The following PTK2B variants were observed in gnomAD, a reference collection of about 807,000 sequenced individuals.
PTK2B encodes protein-tyrosine kinase 2-beta.
In PTK2B, 71 loss-of-function variants were observed where a neutral mutation model predicts 142.9. That is an observed-to-expected ratio of 0.50 (90% CI 0.41 to 0.61). The LOEUF is 0.61. PTK2B is among the 20% of genes least tolerant of loss of function. PTK2B has a pLI of 0.00. For synonymous variants in PTK2B, 519 were observed against 503.4 expected (o/e 1.03, Z -0.42); for missense variants, 1,105 against 1,320.4 (o/e 0.84, Z 2.53).
chr8:27,356,654 GA>G (rs1805407961), intron 1 of PTK2B, among the ~76,000 whole-genome samples: 1 of 152,208 alleles, frequency 6.6e-6, no homozygotes, highest in Non-Finnish European at 1.5e-5. Flanking sequence ...GTCAATAGCG[GA>G]AAAACGTAAA....
Position 27,384,077 on chromosome 8 carries a change from C to T in PTK2B, c.-37-13471C>T, listed in dbSNP as rs191179233. ...GTTGGTCAGGCTGATCTCGAACTCC[C>T]GACCTCAGGTGATCCTCCTGCCTCG... On this transcript the variant is annotated intron_variant, in intron 1 of 30. Coordinates refer to ENST00000346049, the MANE Select transcript of PTK2B (RefSeq NM_173176.3). Among the ~76,000 whole-genome samples, 38 of 151,876 alleles carry T rather than the reference C, an allele frequency of 2.5e-4. 1 individual carries two copies. The East Asian group carries it at 5.8e-3, about 23-fold the overall frequency.
intron 1 of PTK2B, among the ~76,000 whole-genome samples, chr8:27,344,615 G>A (rs1341234760): frequency 6.6e-6 from 1 of 152,078 alleles, no homozygotes; most frequent in Non-Finnish European, 1.5e-5. Flanking sequence ...GATAACTAAG[G>A]TCACCCAGGA....
At chr8:27,341,624 A>G (rs1056370069) in intron 1 of PTK2B, among the ~76,000 whole-genome samples, 2 of 152,148 alleles carry the variant, frequency 1.3e-5, no homozygotes, top group Admixed American at 6.5e-5. Flanking sequence ...GCCCTTCAGC[A>G]TAGCATGGAG....
intron 14 of PTK2B, 96 bp from the exon 15 acceptor site, chr8:27,436,155 C>G (rs746358863): frequency 3.2e-4 from 373 of 1,160,932 alleles, no homozygotes; most frequent in Non-Finnish European, 3.9e-4. Flanking sequence ...TGTTATAGAT[C>G]TGGTGACGCC....
At chr8:27,419,212 A>G (rs1398488751) in intron 2 of PTK2B, among the ~76,000 whole-genome samples, 1 of 152,192 alleles carries the variant, frequency 6.6e-6, no homozygotes, top group East Asian at 1.9e-4. Flanking sequence ...CAGGAACAAG[A>G]GGGCACGTGG....
At position 27,422,244 on chromosome 8, in the gene PTK2B, C is replaced by G. The variant is rs995662005; in HGVS notation, c.472-60C>G. Reference sequence around the variant, plus strand: ...TGAGGCCCTTAATCTTCTGAGGCCTCTGTGCAGGGAAGTGGGAGGTGAGGG... The same window carrying G: ...TGAGGCCCTTAATCTTCTGAGGCCTGTGTGCAGGGAAGTGGGAGGTGAGGG... On this transcript the variant is annotated intron_variant, in intron 4 of 30. Coordinates refer to ENST00000346049, the MANE Select transcript of PTK2B (RefSeq NM_173176.3). 5.3e-6 allele frequency: 8 copies of G among 1,504,872 alleles called. No individual in the cohort carries two copies. In the South Asian group the frequency reaches 8.7e-5, roughly 16 times the overall value. The allele number at this position is 1,504,872 out of a possible 1,614,324, so 93.2% of individuals were successfully genotyped here.
At position 27,363,430 on chromosome 8, in the gene PTK2B, A is replaced by T. The variant is rs1045576535; in HGVS notation, c.-37-34118A>T. ...GTAGATTTGGGATGAATATAAAGGA[A>T]GGTTTTTTAATAATTAGAGCTCCGA... is the stretch of plus-strand genomic sequence containing the variant. On this transcript the variant is annotated intron_variant, in intron 1 of 30. Coordinates refer to ENST00000346049, the MANE Select transcript of PTK2B (RefSeq NM_173176.3). The surrounding 1 kb of genome is among the most constrained non-coding windows in gnomAD (Gnocchi z 4.3). Among the ~76,000 whole-genome samples, 3 of 152,116 alleles carry T rather than the reference A, an allele frequency of 2.0e-5. No homozygotes were observed. The highest frequency in any genetic ancestry group is 7.2e-5 in the African/African-American group (3 of 41,410).
chr8:27,350,990 A>AATATATATATAT (rs1161548916), intron 1 of PTK2B, among the ~76,000 whole-genome samples: 4 of 12,076 alleles, frequency 3.3e-4, no homozygotes, highest in Non-Finnish European at 6.3e-4. Context: ...AAAAAAAAAA[A>AATATATATATAT]ATATATATAT....
chr8:27,319,658 A>G (rs1027521192), intron 3 of PTK2B, among the ~76,000 whole-genome samples: 4 of 151,556 alleles, frequency 2.6e-5, no homozygotes, highest in African/African-American at 9.7e-5. Context: ...AAAAAAAAAA[A>G]AAAAAAATTA....
intron 5 of PTK2B, among the ~76,000 whole-genome samples, chr8:27,423,101 G>A (rs914532786): frequency 1.3e-5 from 2 of 152,182 alleles, no homozygotes; most frequent in African/African-American, 2.4e-5. Flanking sequence ...AGTTGGGGCT[G>A]ATGGTGGAAG....
chr8:27,397,810 T>C (rs1452317349), intron 2 of PTK2B, 22 bp downstream of exon 2: 1 of 1,609,754 alleles, frequency 6.2e-7, no homozygotes, highest in South Asian at 1.1e-5. Context: ...GTGTCTGCCC[T>C]GTCCATCTGT....
chr8:27,386,371 C>A (rs1298299632), intron 1 of PTK2B, among the ~76,000 whole-genome samples: 4 of 152,210 alleles, frequency 2.6e-5, no homozygotes, highest in African/African-American at 9.7e-5. Flanking sequence ...TATTTAACTT[C>A]CTTGCTTCAG....
chr8:27,310,908 G>A (rs765512974), upstream of PTK2B: 3 of 1,612,898 alleles, frequency 1.9e-6, no homozygotes, highest in South Asian at 2.2e-5. Context: ...AGGCAGAAGA[G>A]GCTGAGCTGT....
rs953411094 is a variant in PTK2B, at chr8:27,426,833, C to A, written c.552-3260C>A. Among the ~76,000 whole-genome samples the A allele has an allele frequency of 1.6e-4, 25 of 152,206 alleles. 1 individual carries two copies. The highest frequency in any genetic ancestry group is 7.9e-4 in the Admixed American group (12 of 15,282). On this transcript the variant is annotated intron_variant, in intron 5 of 30. Coordinates refer to ENST00000346049, the MANE Select transcript of PTK2B (RefSeq NM_173176.3). ...TTTTTCCATTCACTACCACCTTGAT[C>A]ATGCTAAAATGCTCTTATTTTTTAT...
intron 27 of PTK2B, 160 bp downstream of exon 27, chr8:27,451,669 C>T (rs1345763479): frequency 8.1e-6 from 12 of 1,476,456 alleles, no homozygotes; most frequent in Non-Finnish European, 9.9e-6. Flanking sequence ...GGCCAGCTTC[C>T]CCTCCGCTCC....
Position 27,354,322 on chromosome 8 carries a change from GATTA to G in PTK2B, c.-38+28644_-38+28647del, listed in dbSNP as rs567320434. Among the ~76,000 whole-genome samples the G allele has an allele frequency of 1.6e-4, 24 of 152,232 alleles. No individual in the cohort carries two copies. The East Asian group carries it at 4.6e-3, about 29-fold the overall frequency. ...TGGGGTACTGTGTTTGCTTCCTCTT[GATTA>G]ATGTGCCCCATCCTGTGGTCCAGGC... On this transcript the variant is annotated intron_variant, in intron 1 of 30. Transcript: ENST00000346049.
chr8:27,346,309 G>A (rs1414926141), intron 1 of PTK2B, among the ~76,000 whole-genome samples: 2 of 152,176 alleles, frequency 1.3e-5, no homozygotes, highest in Non-Finnish European at 2.9e-5. Context: ...GCTGAGGTAG[G>A]CAGATCGTTT....
chr8:27,391,047 C>T (rs1444186883), intron 1 of PTK2B, among the ~76,000 whole-genome samples: 1 of 151,994 alleles, frequency 6.6e-6, no homozygotes, highest in Non-Finnish European at 1.5e-5. Flanking sequence ...CTAATGGGCC[C>T]CTTTCCACTC....
At chr8:27,372,799 G>A (rs939693501) in intron 1 of PTK2B, among the ~76,000 whole-genome samples, 1 of 152,180 alleles carries the variant, frequency 6.6e-6, no homozygotes, top group African/African-American at 2.4e-5. Context: ...GACAGAGGAT[G>A]CAAACTAGTG....
Sources: gnomAD v4.1 joint callset for allele counts (sites outside exome capture counted in the v4.1 genomes callset) on GRCh38, gnomAD v4.1.1 for gene constraint, Gnocchi (gnomAD v3.1) non-coding constraint, MANE v1.5 for transcripts, NCBI Gene and HGNC (gene_info 2026-07-23, HGNC 2026-07-21) for gene names.